The following BID variants were observed in gnomAD, a reference collection of about 807,000 sequenced individuals.
BID encodes BH3 interacting domain death agonist.
Under a neutral mutation model 17.4 loss-of-function variants are expected in BID, and 19 were observed. The ratio of observed to expected loss-of-function variants is 1.09; its 90% CI spans 0.76 to 1.60. BID has a LOEUF of 1.60. Ranked by LOEUF, BID falls within the 40% of genes most tolerant of loss-of-function variation. The pLI, the probability that BID is intolerant of heterozygous loss-of-function variation, is 0.00. For synonymous variants in BID, 108 were observed against 102.8 expected, an observed-to-expected ratio of 1.05 and a Z score of -0.31; for missense variants, 226 against 256.0, an observed-to-expected ratio of 0.88 and a Z score of 0.80.
Position 17,735,771 on chromosome 22 carries a change from C to T in BID, c.577-180G>A, listed in dbSNP as rs372771586. 3.9e-5 allele frequency among the ~76,000 whole-genome samples: 6 copies of T among 152,282 alleles called. No individual in the cohort carries two copies. In the East Asian group the frequency reaches 9.6e-4, roughly 24 times the overall value. Reference sequence around the variant, plus strand: ...CATGGGGGCAACTGCAAAAACAGGCCGTTCAGGCGGTGAGGTGGGTATTCA... The same window carrying T: ...CATGGGGGCAACTGCAAAAACAGGCTGTTCAGGCGGTGAGGTGGGTATTCA... On this transcript the variant is annotated intron_variant, in intron 5 of 5. Coordinates refer to ENST00000622694, the MANE Select transcript of BID (RefSeq NM_001196.4).
intron 3 of BID, 64 bp from the exon 4 acceptor site, chr22:17,739,552 C>T (rs941587233): frequency 1.9e-6 from 3 of 1,558,690 alleles, no homozygotes; most frequent in Non-Finnish European, 2.6e-6. Flanking sequence ...TACCCTCTCC[C>T]ACACCACCCT....
intron 1 of BID, among the ~76,000 whole-genome samples, chr22:17,770,282 G>A (rs1037214020): frequency 6.6e-6 from 1 of 152,198 alleles, no homozygotes; most frequent in Non-Finnish European, 1.5e-5. Flanking sequence ...GTCGGGCTTT[G>A]AACCTGCAAT....
intron 4 of BID, 79 bp from the exon 5 acceptor site, chr22:17,738,308 G>A: frequency 7.5e-7 from 1 of 1,329,356 alleles, no homozygotes; most frequent in Non-Finnish European, 1.1e-6. Flanking sequence ...GTATGAAGAA[G>A]CACTTCAAAG....
At chr22:17,740,023 C>T in intron 3 of BID, 2 of 1,548,458 alleles carry the variant, frequency 1.3e-6, no homozygotes, top group Non-Finnish European at 1.8e-6. Context: ...AGCTCTCCCC[C>T]TTGCCCCTCA....
Position 17,743,308 on chromosome 22 carries a change from C to T in BID, c.223+495G>A, listed in dbSNP as rs8190319. On this transcript the variant is annotated intron_variant, in intron 3 of 5. Coordinates refer to ENST00000622694, the MANE Select transcript of BID (RefSeq NM_001196.4). ...GCAGGGGCCGCACCGGTAGTGCCACCTGGGGGCTTTGCCCAGACCCAGCAA... is the reference window on the plus strand; with the variant it reads ...GCAGGGGCCGCACCGGTAGTGCCACTTGGGGGCTTTGCCCAGACCCAGCAA... Among the ~76,000 whole-genome samples the T allele has an allele frequency of 7.4e-3, 1,125 of 152,348 alleles. 7 individuals carry two copies. Among genetic ancestry groups the T allele is most frequent in the African/African-American group, 0.026 (1,061 of 41,586 alleles).
At chr22:17,762,875 G>C (rs913571469) in intron 1 of BID, among the ~76,000 whole-genome samples, 1 of 151,112 alleles carries the variant, frequency 6.6e-6, no homozygotes, top group Non-Finnish European at 1.5e-5. Context: ...AACAAAACCT[G>C]TTTGTTTGTT....
chr22:17,736,314 G>T (rs905939881), intron 5 of BID, among the ~76,000 whole-genome samples: 1 of 151,990 alleles, frequency 6.6e-6, no homozygotes, highest in African/African-American at 2.4e-5. Context: ...AAAATTAGCC[G>T]GTCATGGTGG....
chr22:17,757,613 G>T (rs2061602447), intron 1 of BID, among the ~76,000 whole-genome samples: 1 of 151,420 alleles, frequency 6.6e-6, no homozygotes, highest in Non-Finnish European at 1.5e-5. Context: ...GGAGGCTGAG[G>T]CAGGAGAATG....
At chr22:17,772,795 T>C (rs1270614152) in intron 1 of BID, among the ~76,000 whole-genome samples, 1 of 152,124 alleles carries the variant, frequency 6.6e-6, no homozygotes, top group Non-Finnish European at 1.5e-5. Context: ...GCAAGGCCTC[T>C]GAGCTGGGCA....
rs139202406 is a variant in BID, at chr22:17,739,353, T to C, written c.359A>G (p.Glu120Gly). The C allele has an allele frequency of 4.5e-5, 72 of 1,591,600 alleles. No individual in the cohort carries two copies. The African/African-American group carries it at 9.2e-4, about 20-fold the overall frequency. Residue 120 changes from glutamate to glycine, a missense_variant, in exon 4 of 6, where the codon GAG becomes GGG. Glu to Gly is a moderately conservative substitution (Grantham distance 98, BLOSUM62 -2). Coordinates refer to ENST00000622694, the MANE Select transcript of BID (RefSeq NM_001196.4). ...ALQLRNTSRS[E>G]EDRNRDLATA... ...GGTCCTCAGGCCCTCACTCACCTCC[T>C]CCGACCGGCTGGTGTTCCTGAGCTG... is the stretch of plus-strand genomic sequence containing the variant.
chr22:17,766,198 A>G (rs543317616), intron 1 of BID, among the ~76,000 whole-genome samples: 2 of 152,144 alleles, frequency 1.3e-5, no homozygotes, highest in East Asian at 1.9e-4. Context: ...TGCTAGGATT[A>G]CAGGTGTGAG....
intron 1 of BID, among the ~76,000 whole-genome samples, chr22:17,771,978 G>A (rs185071952): frequency 1.2e-4 from 18 of 152,346 alleles, no homozygotes; most frequent in Admixed American, 1.2e-3. Context: ...ACATGTGGAG[G>A]GGGAATCTGG....
chr22:17,750,279 C>G, intron 1 of BID, 105 bp from the exon 2 acceptor site: 1 of 986,736 alleles, frequency 1.0e-6, no homozygotes, highest in Non-Finnish European at 1.6e-6. Context: ...GGCGGCTGAG[C>G]CGAGGTCCTG....
rs903039553 is a variant in BID, at chr22:17,750,167, G to A, written c.-51C>T. On this transcript the variant is annotated 5_prime_UTR_variant, in exon 2 of 6. Transcript: ENST00000622694. ...CTCACTCCTGGTTCACAGTGTCCCA[G>A]TGGCGACCTGGAAAGGGACACACAG... 1.2e-6 allele frequency: 2 copies of A among 1,612,786 alleles called. No individual in the cohort carries two copies. The highest frequency in any genetic ancestry group is 3.3e-5 in the Admixed American group (2 of 59,964).
chr22:17,750,896 G>A (rs1462133208), intron 1 of BID, among the ~76,000 whole-genome samples: 1 of 152,090 alleles, frequency 6.6e-6, no homozygotes, highest in Admixed American at 6.6e-5. Flanking sequence ...TTAGCCAGGT[G>A]TGGTGATGCA....
intron 1 of BID, among the ~76,000 whole-genome samples, chr22:17,756,306 A>G (rs992378185): frequency 3.1e-4 from 47 of 152,336 alleles, no homozygotes; most frequent in African/African-American, 1.1e-3. Flanking sequence ...TGCGTTGACA[A>G]ACTGACGCAA....
intron 1 of BID, among the ~76,000 whole-genome samples, chr22:17,756,457 TTC>T (rs2061588319): frequency 8.8e-6 from 1 of 113,798 alleles, no homozygotes. Context: ...CTTTCTTTCT[TTC>T]TTTCTTTCTT....
At chr22:17,761,009 TAC>T (rs2145911328) in intron 1 of BID, among the ~76,000 whole-genome samples, 1 of 152,346 alleles carries the variant, frequency 6.6e-6, no homozygotes, top group African/African-American at 2.4e-5. Context: ...CATTTACACA[TAC>T]ACACCGAACC....
intron 1 of BID, among the ~76,000 whole-genome samples, chr22:17,771,798 G>T (rs1432996509): frequency 1.4e-5 from 2 of 144,226 alleles, no homozygotes; most frequent in African/African-American, 5.9e-5. Flanking sequence ...GCCAGCAGTG[G>T]CTCTTGGGGA....
Sources: gnomAD v4.1 joint callset for allele counts (sites outside exome capture counted in the v4.1 genomes callset) on GRCh38, gnomAD v4.1.1 for gene constraint, MANE v1.5 for transcripts, NCBI Gene and HGNC (gene_info 2026-07-23, HGNC 2026-07-21) for gene names.